The following STX11 variants were observed in gnomAD, a reference collection of about 807,000 sequenced individuals.
The protein encoded by STX11 is syntaxin-11.
In STX11, 21 loss-of-function variants were observed where a neutral mutation model predicts 19.9. The ratio of observed to expected loss-of-function variants is 1.06; its 90% CI spans 0.75 to 1.52. The LOEUF is 1.52. Ranked by LOEUF, STX11 falls within the 40% of genes most tolerant of loss-of-function variation. The pLI is 0.00. For synonymous variants in STX11, 193 were observed against 174.4 expected (o/e 1.11, Z -0.84); for missense variants, 438 against 405.9 (o/e 1.08, Z -0.68).
rs995594075 is a variant in STX11 at position 144,151,176 on chromosome 6, G to A, written c.-6+473G>A. On this transcript the variant is annotated intron_variant, in intron 1 of 1. Coordinates refer to ENST00000367568, the MANE Select transcript of STX11 (RefSeq NM_003764.4). The surrounding 1 kb of genome is among the most constrained non-coding windows in gnomAD (Gnocchi z 4.6). ...GTGTCACTCAGTAGCCAGGAAAGAC[G>A]GAGAAATTGATAGAGCCTTCGAGGA... 5.3e-6 allele frequency: 5 copies of A among 949,292 alleles called. No individual in the cohort carries two copies. The highest frequency in any genetic ancestry group is 6.3e-6 in the Non-Finnish European group (5 of 797,094). The allele number at this position is 949,292 out of a possible 1,614,324, so 58.8% of individuals were successfully genotyped here.
chr6:144,189,358 C>G lies in STX11; in HGVS notation c.*1867C>G, dbSNP rs1187517514. Among the ~76,000 whole-genome samples the G allele has an allele frequency of 1.3e-5, 2 of 152,176 alleles. No individual in the cohort carries two copies. Among genetic ancestry groups the G allele is most frequent in the Non-Finnish European group, 2.9e-5 (2 of 68,036 alleles). On this transcript the variant is annotated 3_prime_UTR_variant, in exon 2 of 2. Coordinates refer to ENST00000367568, the MANE Select transcript of STX11 (RefSeq NM_003764.4). ...CTACTAGCTACTGAGGCTGCCACATCTGGATGGAACTGAGTGGAGGGGGAA... is the reference window on the plus strand; with the variant it reads ...CTACTAGCTACTGAGGCTGCCACATGTGGATGGAACTGAGTGGAGGGGGAA...
In STX11 at chr6:144,174,773, C is replaced by T. The variant is rs1459145122; in HGVS notation, c.-5-11850C>T. On this transcript the variant is annotated intron_variant, in intron 1 of 1. Transcript: ENST00000367568. The surrounding 1 kb of genome is among the most constrained non-coding windows in gnomAD (Gnocchi z 5.3). The stretch of plus-strand genomic sequence containing the variant: ...AGAATGTGGGATGAGAACAGATGCT[C>T]ACCACGTCATGGAAATAATCTAATT... 1.3e-5 allele frequency among the ~76,000 whole-genome samples: 2 copies of T among 149,364 alleles called. No individual in the cohort carries two copies. The highest frequency in any genetic ancestry group is 2.9e-5 in the Non-Finnish European group (2 of 67,892).
rs374920851 is a variant in STX11, at chr6:144,186,930, C to T, written c.303C>T (p.His101=). 3.7e-6 allele frequency: 6 copies of T among 1,610,094 alleles called. No homozygotes were observed. Among genetic ancestry groups the T allele is most frequent in the African/African-American group, 1.3e-5 (1 of 74,954 alleles). Residue 101 remains histidine (H), a synonymous_variant, in exon 2 of 2, where the codon CAC becomes CAT. Coordinates refer to ENST00000367568, the MANE Select transcript of STX11 (RefSeq NM_003764.4). ...KAIKARGEVI[H]CKLRAMKELS... ...TCAAGGCCCGGGGCGAGGTCATCCA[C>T]TGCAAGCTGCGCGCCATGAAGGAGC...
chr6:144,168,460 G>A (rs968136603), intron 1 of STX11, among the ~76,000 whole-genome samples: 1 of 151,958 alleles, frequency 6.6e-6, no homozygotes, highest in African/African-American at 2.4e-5. Context: ...AACCATTTCA[G>A]CTTTTTCATC....
upstream of STX11, among the ~76,000 whole-genome samples, chr6:144,149,348 C>G (rs1800935788): frequency 6.6e-6 from 1 of 152,042 alleles, no homozygotes; most frequent in Non-Finnish European, 1.5e-5. This position sits in a 1 kb window ranked among gnomAD's most constrained non-coding sequence, Gnocchi z 5.1. Flanking sequence ...GGCTTGTAAT[C>G]CAATACTACC....
chr6:144,176,461 G>A lies in STX11; in HGVS notation c.-5-10162G>A, dbSNP rs997121680. Among the ~76,000 whole-genome samples the A allele has an allele frequency of 2.0e-5, 3 of 152,170 alleles. No individual in the cohort carries two copies. Among genetic ancestry groups the A allele is most frequent in the African/African-American group, 7.2e-5 (3 of 41,428 alleles). ...TCTCAAGCACAATGACTGGTTTGGG[G>A]TGCACACAGTCTGTCACTGAGATTC... is the stretch of plus-strand genomic sequence containing the variant. On this transcript the variant is annotated intron_variant, in intron 1 of 1. Transcript: ENST00000367568. This position sits in a 1 kb window ranked among gnomAD's most constrained non-coding sequence, Gnocchi z 4.1.
At position 144,189,947 on chromosome 6, in the gene STX11, C is replaced by CA. The variant is rs1413103342; in HGVS notation, c.*2463dup. On this transcript the variant is annotated 3_prime_UTR_variant, in exon 2 of 2. Coordinates refer to ENST00000367568, the MANE Select transcript of STX11 (RefSeq NM_003764.4). ...AATAGAGACTGCCAGCCAGTTTCCA[C>CA]AAAAAAACGAAGAGTTCATAAATTT... 6.6e-6 allele frequency among the ~76,000 whole-genome samples: 1 copy of CA among 151,928 alleles called. No individual in the cohort carries two copies. The highest frequency in any genetic ancestry group is 1.5e-5 in the Non-Finnish European group (1 of 67,970).
At position 144,152,859 on chromosome 6, in the gene STX11, G is replaced by T. The variant is rs2128746315; in HGVS notation, c.-6+2156G>T. 6.6e-6 allele frequency among the ~76,000 whole-genome samples: 1 copy of T among 152,326 alleles called. No homozygotes were observed. ...CTGTTGGCCAGGCTGGTCTCGAACTGCTGACCTCAGGTGATCTGCTTGCCT... is the reference window on the plus strand; with the variant it reads ...CTGTTGGCCAGGCTGGTCTCGAACTTCTGACCTCAGGTGATCTGCTTGCCT... On this transcript the variant is annotated intron_variant, in intron 1 of 1. Coordinates refer to ENST00000367568, the MANE Select transcript of STX11 (RefSeq NM_003764.4). The surrounding 1 kb of genome is among the most constrained non-coding windows in gnomAD (Gnocchi z 4.9).
Position 144,150,707 on chromosome 6 carries a change from T to C in STX11, c.-6+4T>C, listed in dbSNP as rs544662068. On this transcript the variant is annotated splice_donor_region_variant and intron_variant, in intron 1 of 1. Coordinates refer to ENST00000367568, the MANE Select transcript of STX11 (RefSeq NM_003764.4). ...CGCACTCTCGCTCCCAGTCCAGGTTTGTTTTTCTCTTCCTGAGCCCCCATT... is the reference window on the plus strand; with the variant it reads ...CGCACTCTCGCTCCCAGTCCAGGTTCGTTTTTCTCTTCCTGAGCCCCCATT... 12 of 983,934 alleles carry C rather than the reference T, an allele frequency of 1.2e-5. No homozygotes were observed. In the African/African-American group the frequency reaches 1.9e-4, roughly 16 times the overall value. The allele number at this position is 983,934 out of a possible 1,614,324, so 61.0% of individuals were successfully genotyped here. A position where few individuals can be genotyped will look rare whatever the true frequency, so the allele number is the denominator to read the frequency against.
At chr6:144,157,393 A>G (rs1398309436) in intron 1 of STX11, among the ~76,000 whole-genome samples, 1 of 152,198 alleles carries the variant, frequency 6.6e-6, no homozygotes, top group Non-Finnish European at 1.5e-5. Context: ...AGCCTTCAGC[A>G]GCCAACCTTC....
intron 1 of STX11, among the ~76,000 whole-genome samples, chr6:144,158,009 A>G (rs1250291986): frequency 3.9e-5 from 6 of 151,912 alleles, no homozygotes; most frequent in Non-Finnish European, 8.8e-5. Flanking sequence ...AAAAGAAAAG[A>G]GAAATAAAAG....
At chr6:144,173,605 T>C (rs561439005) in intron 1 of STX11, among the ~76,000 whole-genome samples, 22 of 152,364 alleles carry the variant, frequency 1.4e-4, no homozygotes, top group Admixed American at 6.5e-4. Flanking sequence ...GCAGAACTTC[T>C]ATGTAGTTAT....
intron 1 of STX11, among the ~76,000 whole-genome samples, chr6:144,156,010 CTT>C (rs1414417709): frequency 8.4e-6 from 1 of 119,164 alleles, no homozygotes; most frequent in Non-Finnish European, 1.6e-5. Flanking sequence ...TTCTTTCTTT[CTT>C]TCTCTCTTTC....
chr6:144,181,123 T>G (rs1229292279), intron 1 of STX11, among the ~76,000 whole-genome samples: 1 of 152,236 alleles, frequency 6.6e-6, no homozygotes, highest in African/African-American at 2.4e-5. Flanking sequence ...ACTTTCTTAT[T>G]TAGCCTCCAT....
chr6:144,142,278 AT>A, the STX11 span, among the ~76,000 whole-genome samples: 2 of 152,034 alleles, frequency 1.3e-5, no homozygotes, highest in Non-Finnish European at 2.9e-5. Context: ...TTAGGTTTAT[AT>A]TTTTTAATGA....
the STX11 span, among the ~76,000 whole-genome samples, chr6:144,140,247 TATATATA>T: frequency 3.0e-4 from 14 of 46,362 alleles, no homozygotes; most frequent in East Asian, 1.0e-3. Flanking sequence ...TATATATATA[TATATATA>T]TTTATTTATT....
rs1312685729 is a variant in STX11 at position 144,167,235 on chromosome 6, T to G, written c.-6+16532T>G. ...ATTGTTACTTTTCATGTTAAACAAT[T>G]CTGTCTTATTTGATTTATTATTACA... On this transcript the variant is annotated intron_variant, in intron 1 of 1. Coordinates refer to ENST00000367568, the MANE Select transcript of STX11 (RefSeq NM_003764.4). This position sits in a 1 kb window ranked among gnomAD's most constrained non-coding sequence, Gnocchi z 5.0. Among the ~76,000 whole-genome samples, 1 of 152,248 alleles carries G rather than the reference T, an allele frequency of 6.6e-6. No individual in the cohort carries two copies. Among genetic ancestry groups the G allele is most frequent in the African/African-American group, 2.4e-5 (1 of 41,454 alleles).
chr6:144,173,366 C>T (rs1342114503), intron 1 of STX11, among the ~76,000 whole-genome samples: 2 of 152,230 alleles, frequency 1.3e-5, no homozygotes, highest in African/African-American at 4.8e-5. Flanking sequence ...AGACAACACA[C>T]TTAGAGTCTT....
rs543461923 is a variant in STX11, at chr6:144,155,955, T to C, written c.-6+5252T>C. Among the ~76,000 whole-genome samples the C allele has an allele frequency of 1.3e-5, 1 of 77,970 alleles. No homozygotes were observed. The highest frequency in any genetic ancestry group is 6.0e-5 in the African/African-American group (1 of 16,536). The allele number at this position is 77,970 out of a possible 152,430, so 51.2% of individuals were successfully genotyped here. On this transcript the variant is annotated intron_variant, in intron 1 of 1. Coordinates refer to ENST00000367568, the MANE Select transcript of STX11 (RefSeq NM_003764.4). This position sits in a 1 kb window ranked among gnomAD's most constrained non-coding sequence, Gnocchi z 4.5. ...TTAAAATTTAATCTTTCTTTCTTTC[T>C]TTCTTTCTTTCTTTCTTTCTTTCTT...
Sources: gnomAD v4.1 joint callset for allele counts (sites outside exome capture counted in the v4.1 genomes callset) on GRCh38, gnomAD v4.1.1 for gene constraint, Gnocchi (gnomAD v3.1) non-coding constraint, MANE v1.5 for transcripts, NCBI Gene and HGNC (gene_info 2026-07-23, HGNC 2026-07-21) for gene names.